The following RGS8 variants were observed in gnomAD, a reference collection of about 807,000 sequenced individuals.
RGS8 encodes the protein regulator of G protein signaling 8.
In RGS8, 8 loss-of-function variants were observed where a neutral mutation model predicts 21.7. That is an observed-to-expected ratio of 0.37 (90% CI 0.22 to 0.66). The LOEUF (loss-of-function observed/expected upper bound fraction) is 0.66. Among genes scored for constraint, RGS8 ranks in the 30% least tolerant of loss-of-function variants. The pLI is 0.59. For synonymous variants in RGS8, 80 were observed against 83.6 expected (o/e 0.96, Z 0.24); for missense variants, 157 against 217.9 (o/e 0.72, Z 1.76).
Position 182,669,704 on chromosome 1 carries a change from G to T in RGS8, c.-55C>A. On this transcript the variant is annotated 5_prime_UTR_variant, in exon 3 of 7. In the 5' UTR this introduces an upstream ATG that the reference lacks. Coordinates refer to ENST00000483095, the Ensembl canonical transcript of RGS8. ...GCTGGTATGCAGGGACGTCAGGGCA[G>T]GAAATAAGACTGCGGGGCTCAGGAA... 1 of 1,613,776 alleles carries T rather than the reference G, an allele frequency of 6.2e-7. No homozygotes were observed. The highest frequency in any genetic ancestry group is 1.1e-5 in the South Asian group (1 of 90,994).
chr1:182,742,928 G>A, the RGS8 span, among the ~76,000 whole-genome samples: 27 of 152,266 alleles, frequency 1.8e-4, no homozygotes, highest in East Asian at 5.0e-3. Flanking sequence ...ACATAAAGTC[G>A]CTTAATGGAA....
chr1:182,731,112 T>G, the RGS8 span, among the ~76,000 whole-genome samples: 1 of 152,200 alleles, frequency 6.6e-6, no homozygotes, highest in Non-Finnish European at 1.5e-5. Context: ...TCAGGATCTT[T>G]AATAGCCGTT....
At chr1:182,672,741 C>T, upstream of RGS8, 2 of 1,550,264 alleles carry the variant, frequency 1.3e-6, no homozygotes, top group South Asian at 1.1e-5. Flanking sequence ...TGAGACTTTT[C>T]CTTTTGTTCT....
At chr1:182,729,613 A>T in the RGS8 span, among the ~76,000 whole-genome samples, 13 of 152,348 alleles carry the variant, frequency 8.5e-5, no homozygotes, top group African/African-American at 3.1e-4. Context: ...GTGAACCCTG[A>T]TGAAGGTATA....
At chr1:182,695,279 T>C in the RGS8 span, among the ~76,000 whole-genome samples, 8 of 152,174 alleles carry the variant, frequency 5.3e-5, no homozygotes, top group Non-Finnish European at 1.0e-4. Flanking sequence ...CTCCTACCAC[T>C]GTAGCAGATC....
chr1:182,739,259 GA>G, the RGS8 span, among the ~76,000 whole-genome samples: 1 of 152,186 alleles, frequency 6.6e-6, no homozygotes, highest in African/African-American at 2.4e-5. Flanking sequence ...TCTAGGAAGA[GA>G]ATCAGTGCTT....
At chr1:182,681,130 A>G (rs547356417) in intron 1 of RGS8, among the ~76,000 whole-genome samples, 84 of 152,212 alleles carry the variant, frequency 5.5e-4, no homozygotes, top group Non-Finnish European at 1.1e-3. Flanking sequence ...AGAGTCCGAG[A>G]AGGCAGAAGC....
At chr1:182,721,048 T>TATATATGTGTATATATACATATATAC in the RGS8 span, among the ~76,000 whole-genome samples, 11 of 70,734 alleles carry the variant, frequency 1.6e-4, 3 homozygotes, top group East Asian at 8.5e-4. Flanking sequence ...TACATATACA[T>TATATATGTGTATATATACATATATAC]ACATATATAT....
At chr1:182,678,155 G>A (rs905435458) in intron 1 of RGS8, among the ~76,000 whole-genome samples, 3 of 152,114 alleles carry the variant, frequency 2.0e-5, no homozygotes, top group Non-Finnish European at 4.4e-5. Context: ...GGTATACTCT[G>A]AAATATTTAT....
At chr1:182,673,052 G>A (rs111753243), upstream of RGS8, 23 of 589,440 alleles carry the variant, frequency 3.9e-5, no homozygotes, top group African/African-American at 1.7e-4. Flanking sequence ...TTTGCAAACC[G>A]CTGCCCTGGG....
the RGS8 span, among the ~76,000 whole-genome samples, chr1:182,703,310 T>C: frequency 6.6e-6 from 1 of 152,176 alleles, no homozygotes; most frequent in Non-Finnish European, 1.5e-5. Flanking sequence ...GGGAAAATTG[T>C]GTTATCTCAA....
the RGS8 span, among the ~76,000 whole-genome samples, chr1:182,704,085 T>C: frequency 4.2e-3 from 646 of 152,350 alleles, 4 homozygotes; most frequent in African/African-American, 0.015. Context: ...AATAGGACTG[T>C]TTTTACTTCA....
At chr1:182,646,427 A>C in exon 7 of RGS8, 1 of 302,520 alleles carries the variant, frequency 3.3e-6, no homozygotes, top group East Asian at 6.4e-5. Flanking sequence ...TTAGCCTAGC[A>C]CAGCAAATCT....
At chr1:182,696,283 A>G in the RGS8 span, among the ~76,000 whole-genome samples, 1 of 152,106 alleles carries the variant, frequency 6.6e-6, no homozygotes, top group African/African-American at 2.4e-5. Context: ...TATTGCTCCA[A>G]ACCTAGTCTC....
chr1:182,747,112 G>C, the RGS8 span, among the ~76,000 whole-genome samples: 1 of 109,284 alleles, frequency 9.2e-6, no homozygotes, highest in South Asian at 3.2e-4. Context: ...TATTGCCCAG[G>C]CTGGTTCAAA....
At chr1:182,726,451 A>T in the RGS8 span, among the ~76,000 whole-genome samples, 1 of 152,184 alleles carries the variant, frequency 6.6e-6, no homozygotes. Context: ...TAGGCAAATC[A>T]TCTGATGTCG....
the RGS8 span, among the ~76,000 whole-genome samples, chr1:182,694,509 A>C: frequency 6.6e-6 from 1 of 152,168 alleles, no homozygotes; most frequent in Non-Finnish European, 1.5e-5. Flanking sequence ...AAGAACATTA[A>C]AAAATGCTTA....
rs749741280 is a variant in RGS8, at chr1:182,646,767, G to T, written c.511C>A (p.Leu171Met). 5.0e-6 allele frequency: 8 copies of T among 1,614,108 alleles called. No homozygotes were observed. In the South Asian group the frequency reaches 8.8e-5, roughly 18 times the overall value. ...AGCCTCCTCTGGCTTTGGGACAGCA[G>T]ATCTAAGTACATTTTGGACCTCAGG... is the stretch of plus-strand genomic sequence containing the variant. Residue 171 changes from leucine to methionine, a missense_variant, in exon 7 of 7, where the codon CTG becomes ATG. This residue lies in a region of RGS8 where 26 missense variants were observed against 16.9 expected (regional missense o/e 1.54). Coordinates refer to ENST00000483095, the Ensembl canonical transcript of RGS8.
chr1:182,714,281 T>C, the RGS8 span: 2 of 152,240 alleles, frequency 1.3e-5, no homozygotes. Flanking sequence ...TATATTTGTG[T>C]ATTTATGCAT....
Sources: gnomAD v4.1 joint callset for allele counts (sites outside exome capture counted in the v4.1 genomes callset) on GRCh38, gnomAD v4.1.1 for gene constraint, gnomAD v4.1.1 regional missense constraint, MANE v1.5 for transcripts, NCBI Gene and HGNC (gene_info 2026-07-23, HGNC 2026-07-21) for gene names.